AMBN: variants seen among roughly 807,000 people sequenced by gnomAD.
AMBN encodes enamel matrix protein.
In AMBN, 54 loss-of-function variants were observed where a neutral mutation model predicts 48.0. The observed-to-expected ratio is 1.12, with a 90% CI of 0.90 to 1.41. AMBN has a LOEUF of 1.41. Among genes scored for constraint, AMBN ranks in the 40% most tolerant of loss-of-function variants. AMBN has a pLI of 0.00. For synonymous variants in AMBN, 186 were observed against 190.0 expected, an observed-to-expected ratio of 0.98 and a Z score of 0.17; for missense variants, 571 against 547.3, an observed-to-expected ratio of 1.04 and a Z score of -0.43.
rs937026125 is a variant in AMBN, at chr4:70,606,334, T to C, written c.948T>C (p.Pro316=). 52 of 1,614,034 alleles carry C rather than the reference T, an allele frequency of 3.2e-5. No homozygotes were observed. Among genetic ancestry groups the C allele is most frequent in the Middle Eastern group, 1.6e-4 (1 of 6,062 alleles). Residue 316 remains proline, a synonymous_variant, in exon 13 of 13, where the codon CCT becomes CCC. Coordinates refer to ENST00000322937, the MANE Select transcript of AMBN (RefSeq NM_016519.6). Reference sequence around the variant, plus strand: ...CCCCAGTGGCTGCCACCAAAGGCCCTGAGAACGAAGAAGGAGGTGCACAAG... The same window carrying C: ...CCCCAGTGGCTGCCACCAAAGGCCCCGAGAACGAAGAAGGAGGTGCACAAG... The part of the protein sequence containing the change: ...FDSPVAATKG[P]ENEEGGAQGS...
At chr4:70,604,753 G>A (rs1389274141) in intron 12 of AMBN, among the ~76,000 whole-genome samples, 2 of 150,518 alleles carry the variant, frequency 1.3e-5, no homozygotes, top group Non-Finnish European at 3.0e-5. Context: ...AGCACTTTGG[G>A]AGGCTGAAGC....
chr4:70,603,443 T>G lies in AMBN; in HGVS notation c.736T>G (p.Phe246Val). ...TTATCCAGGAATGTTGTACGTGCCT[T>G]TTGGAGCAAATCAATTGGTAAGTCC... is the stretch of plus-strand genomic sequence containing the variant. Reference protein sequence around the residue: ...PLYPGMLYVPFGANQLNAPAR... With the variant: ...PLYPGMLYVPVGANQLNAPAR... Residue 246 changes from phenylalanine (F) to valine (V), a missense_variant, in exon 11 of 13, where the codon TTT becomes GTT. By Grantham distance (50) the Phe-to-Val change is conservative. Transcript: ENST00000322937. 6.2e-7 allele frequency: 1 copy of G among 1,612,662 alleles called. No homozygotes were observed. Among genetic ancestry groups the G allele is most frequent in the Non-Finnish European group, 8.5e-7 (1 of 1,179,790 alleles).
intron 6 of AMBN, among the ~76,000 whole-genome samples, chr4:70,602,340 C>G (rs1455887309): frequency 6.6e-6 from 1 of 152,182 alleles, no homozygotes; most frequent in Admixed American, 6.6e-5. Flanking sequence ...AAATTCATTA[C>G]TTTCTAATCT....
At position 70,593,414 on chromosome 4, in the gene AMBN, T is replaced by A. The variant is rs1737318750; in HGVS notation, c.84+19T>A. On this transcript the variant is annotated intron_variant, in intron 2 of 12. Transcript: ENST00000322937. ...AGTGCCGGTAAGTCAGTCTTTAGAG[T>A]GTGTCCCAGAAAAGGTTATTGATTG... is the stretch of plus-strand genomic sequence containing the variant. 5 of 1,596,278 alleles carry A rather than the reference T, an allele frequency of 3.1e-6. No individual in the cohort carries two copies. Among genetic ancestry groups the A allele is most frequent in the Non-Finnish European group, 4.3e-6 (5 of 1,164,358 alleles).
intron 2 of AMBN, 39 bp downstream of exon 2, chr4:70,593,434 T>G: frequency 6.5e-7 from 1 of 1,540,212 alleles, no homozygotes; most frequent in Non-Finnish European, 9.0e-7. Context: ...AAAAGGTTAT[T>G]GATTGTCGAA....
intron 3 of AMBN, among the ~76,000 whole-genome samples, chr4:70,597,784 T>A (rs528719388): frequency 6.6e-6 from 1 of 152,310 alleles, no homozygotes; most frequent in African/African-American, 2.4e-5. Flanking sequence ...TTAAACTCAA[T>A]CCAAAGCATT....
chr4:70,592,762 TAACA>T (rs1433722704), intron 1 of AMBN, among the ~76,000 whole-genome samples: 14 of 152,148 alleles, frequency 9.2e-5, no homozygotes, highest in African/African-American at 3.4e-4. Flanking sequence ...TATTTTCCAC[TAACA>T]TCAAAGAAAA....
intron 5 of AMBN, among the ~76,000 whole-genome samples, chr4:70,600,865 A>T (rs1737505346): frequency 6.6e-6 from 1 of 152,134 alleles, no homozygotes; most frequent in African/African-American, 2.4e-5. Context: ...ACTGTTTCTT[A>T]ACTTAATTGT....
chr4:70,601,991 A>G (rs1335928711), intron 6 of AMBN: 1 of 477,158 alleles, frequency 2.1e-6, no homozygotes, highest in Admixed American at 2.5e-5. Context: ...TGGTATTGGA[A>G]AAACTGAAAA....
chr4:70,603,205 C>T (rs35850072), intron 9 of AMBN, 55 bp from the exon 10 acceptor site: 297,381 of 1,530,220 alleles, frequency 0.19, 32,757 homozygotes, highest in Non-Finnish European at 0.23. Context: ...TCAAAAATTA[C>T]TGTTATGGGG....
chr4:70,601,378 A>T, intron 5 of AMBN, 40 bp from the exon 6 acceptor site: 1 of 1,592,640 alleles, frequency 6.3e-7, no homozygotes, highest in Non-Finnish European at 8.6e-7. Context: ...TTGTTTAATG[A>T]GCCATCCCTT....
chr4:70,600,339 A>C (rs79131152), intron 5 of AMBN, among the ~76,000 whole-genome samples: 2 of 152,180 alleles, frequency 1.3e-5, no homozygotes, highest in African/African-American at 2.4e-5. Context: ...AAAAAAAAAA[A>C]CATCATGAAC....
At chr4:70,601,010 C>T (rs542170793) in intron 5 of AMBN, among the ~76,000 whole-genome samples, 7 of 152,070 alleles carry the variant, frequency 4.6e-5, no homozygotes, top group Admixed American at 2.0e-4. Flanking sequence ...GTTATGTACA[C>T]GGGCTATAAA....
chr4:70,600,149 A>G (rs1737485397), intron 5 of AMBN, among the ~76,000 whole-genome samples: 1 of 152,132 alleles, frequency 6.6e-6, no homozygotes, highest in Non-Finnish European at 1.5e-5. Flanking sequence ...TCTACTAAAA[A>G]TACAAAAATT....
At chr4:70,598,307 C>T (rs758509817) in intron 3 of AMBN, 49 bp from the exon 4 acceptor site, 11 of 1,369,352 alleles carry the variant, frequency 8.0e-6, no homozygotes, top group Non-Finnish European at 1.1e-5. Context: ...TCAGTTGTGT[C>T]AAACACAGCA....
chr4:70,604,236 C>T (rs6422713), intron 12 of AMBN, among the ~76,000 whole-genome samples: 146,852 of 152,310 alleles, frequency 0.96, 70,806 homozygotes, highest in East Asian at 0.99. Flanking sequence ...AAAGGATACA[C>T]GTGGTTCATA....
rs367728696 is a variant in AMBN at position 70,596,228 on chromosome 4, C to T, written c.85-771C>T. Among the ~76,000 whole-genome samples the T allele has an allele frequency of 7.4e-4, 110 of 148,324 alleles. 2 individuals carry two copies. In the South Asian group the frequency reaches 0.02, roughly 27 times the overall value. The stretch of plus-strand genomic sequence containing the variant: ...CCAGCAGGCAGAGGTTGCAGTGAGC[C>T]GAGATCACGGTACTGCACTCCAGCC... On this transcript the variant is annotated intron_variant, in intron 2 of 12. Transcript: ENST00000322937.
rs1409320060 is a variant in AMBN at position 70,606,750 on chromosome 4, A to G, written c.*20A>G. 1 of 1,588,244 alleles carries G rather than the reference A, an allele frequency of 6.3e-7. No homozygotes were observed. Among genetic ancestry groups the G allele is most frequent in the Non-Finnish European group, 8.6e-7 (1 of 1,166,738 alleles). On this transcript the variant is annotated 3_prime_UTR_variant, in exon 13 of 13. Coordinates refer to ENST00000322937, the MANE Select transcript of AMBN (RefSeq NM_016519.6). ...CCCTGACAGCTCTAAGATATTAGCT[A>G]CTTTCTGTATGCACAAGCTTCCCAG...
intron 3 of AMBN, 33 bp from the exon 4 acceptor site, chr4:70,598,323 G>C (rs368599894): frequency 6.5e-7 from 1 of 1,531,984 alleles, no homozygotes. Context: ...CAGCATATGC[G>C]ATAAACAGTA....
Sources: allele counts gnomAD v4.1 joint callset (sites outside exome capture counted in the v4.1 genomes callset), GRCh38; gene constraint gnomAD v4.1.1; transcripts MANE v1.5; gene names NCBI Gene and HGNC (gene_info 2026-07-23, HGNC 2026-07-21).